Variants in KLHL13 observed in about 807,000 individuals in gnomAD.
KLHL13 encodes kelch-like protein 13.
KLHL13 carries 10 observed loss-of-function variants against 37.1 expected under a neutral mutation model. The observed-to-expected ratio is 0.27, with a 90% CI of 0.17 to 0.46. The LOEUF (loss-of-function observed/expected upper bound fraction) is 0.46, where lower values mean the gene tolerates loss of function less well. KLHL13 is among the 20% of genes least tolerant of loss of function. The pLI, the probability that KLHL13 is intolerant of heterozygous loss-of-function variation, is 1.00. For synonymous variants in KLHL13, 163 were observed against 181.2 expected, an observed-to-expected ratio of 0.90 and a Z score of 0.81; for missense variants, 360 against 509.3, an observed-to-expected ratio of 0.71 and a Z score of 2.82.
chrX:117,931,378 T>C (rs1223547995), intron 2 of KLHL13, among the ~76,000 whole-genome samples: 1 of 111,817 alleles, frequency 8.9e-6, no homozygotes, highest in Admixed American at 9.5e-5. Flanking sequence ...TATTCTGTAA[T>C]TAATATACAC....
At chrX:118,095,085 C>A (rs1194456590) in intron 1 of KLHL13, among the ~76,000 whole-genome samples, 2 of 111,706 alleles carry the variant, frequency 1.8e-5, no homozygotes, top group East Asian at 2.8e-4. Context: ...AATTAAAAGA[C>A]ACAGACTGGC....
chrX:117,957,631 T>A (rs1197040530), intron 1 of KLHL13, among the ~76,000 whole-genome samples: 1 of 111,964 alleles, frequency 8.9e-6, no homozygotes, highest in Non-Finnish European at 1.9e-5. Context: ...CAGCTAAACC[T>A]TTATGGTTAG....
chrX:118,005,866 A>G (rs746030108), intron 1 of KLHL13, among the ~76,000 whole-genome samples: 8 of 112,387 alleles, frequency 7.1e-5, no homozygotes, highest in Non-Finnish European at 1.3e-4. Context: ...ATGGGCCTAA[A>G]AATAGCTGGA....
chrX:118,115,936 G>A (rs2148200293), intron 1 of KLHL13, among the ~76,000 whole-genome samples: 1 of 112,266 alleles, frequency 8.9e-6, no homozygotes, highest in Non-Finnish European at 1.9e-5. Context: ...AAAATCATTA[G>A]TCAACTGTAA....
At chrX:117,926,209 A>G (rs1244539369) in intron 2 of KLHL13, among the ~76,000 whole-genome samples, 1 of 111,968 alleles carries the variant, frequency 8.9e-6, no homozygotes, top group Non-Finnish European at 1.9e-5. Context: ...TCTGTGAAAG[A>G]TAAGAAACAA....
intron 2 of KLHL13, among the ~76,000 whole-genome samples, chrX:117,920,753 T>C (rs1343644887): frequency 9.0e-6 from 1 of 111,731 alleles, no homozygotes; most frequent in African/African-American, 3.3e-5. Context: ...AATTTAATAG[T>C]CCTTTTATAG....
chrX:118,089,592 G>GAA (rs2055095780), intron 1 of KLHL13, among the ~76,000 whole-genome samples: 1 of 77,039 alleles, frequency 1.3e-5, no homozygotes, highest in Non-Finnish European at 2.3e-5. Context: ...AAAGAAAAGA[G>GAA]AGAGAGAGAG....
At chrX:117,925,959 T>C (rs1226059632) in intron 2 of KLHL13, among the ~76,000 whole-genome samples, 1 of 111,424 alleles carries the variant, frequency 9.0e-6, no homozygotes, top group East Asian at 2.8e-4. Context: ...AATGCTGGGA[T>C]TACAGGTGTG....
chrX:117,972,167 C>T (rs1284869142), intron 1 of KLHL13, among the ~76,000 whole-genome samples: 1 of 111,885 alleles, frequency 8.9e-6, no homozygotes, highest in Non-Finnish European at 1.9e-5. Flanking sequence ...ATATAATTTG[C>T]ACAAATTCAA....
At chrX:118,021,701 C>T (rs755318459) in intron 1 of KLHL13, among the ~76,000 whole-genome samples, 4 of 108,150 alleles carry the variant, frequency 3.7e-5, no homozygotes, top group African/African-American at 7.3e-5. Context: ...AATAAACATA[C>T]GTGTGCATGT....
rs773643591 is a variant in KLHL13, at chrX:117,944,704, G to A, written c.240+730C>T. On this transcript the variant is annotated intron_variant, in intron 2 of 6. Transcript: ENST00000262820. ...TAACTATCTTTAGAAGACATTAATGGACATCCAGTACCATATTGCTCTCTA... is the reference window on the plus strand; with the variant it reads ...TAACTATCTTTAGAAGACATTAATGAACATCCAGTACCATATTGCTCTCTA... Among the ~76,000 whole-genome samples, 3 of 111,260 alleles carry A rather than the reference G, an allele frequency of 2.7e-5. No homozygotes were observed. The South Asian group carries it at 1.1e-3, about 42-fold the overall frequency.
chrX:117,931,689 C>T (rs868844465), intron 2 of KLHL13, among the ~76,000 whole-genome samples: 1 of 111,929 alleles, frequency 8.9e-6, no homozygotes, highest in Non-Finnish European at 1.9e-5. Flanking sequence ...AAAGGTAAGA[C>T]AATTTAGAGC....
intron 2 of KLHL13, among the ~76,000 whole-genome samples, chrX:117,924,417 A>G (rs918835091): frequency 1.8e-5 from 2 of 112,065 alleles, no homozygotes. Flanking sequence ...TCACTCATAA[A>G]TCTTTTCCCC....
chrX:117,922,063 TCTG>T (rs1262425626), intron 2 of KLHL13, among the ~76,000 whole-genome samples: 1 of 112,003 alleles, frequency 8.9e-6, no homozygotes, highest in East Asian at 2.8e-4. Context: ...TACTAATTCG[TCTG>T]CTGTCTCTGT....
At chrX:117,930,391 T>C (rs1267201502) in intron 2 of KLHL13, among the ~76,000 whole-genome samples, 1 of 109,467 alleles carries the variant, frequency 9.1e-6, no homozygotes, top group Non-Finnish European at 1.9e-5. Context: ...ATTGCCTATA[T>C]AGGAAAACCT....
chrX:118,093,989 C>T (rs1431336793), intron 1 of KLHL13, among the ~76,000 whole-genome samples: 2 of 109,494 alleles, frequency 1.8e-5, no homozygotes, highest in South Asian at 4.1e-4. Context: ...AACTGAGGAA[C>T]GCAGCTCCTC....
upstream of KLHL13, among the ~76,000 whole-genome samples, chrX:117,974,967 A>G (rs2147910622): frequency 8.9e-6 from 1 of 112,005 alleles, no homozygotes; most frequent in South Asian, 3.7e-4. Flanking sequence ...AAATTGTCAA[A>G]TGAGTCAGAG....
chrX:118,012,886 T>C (rs1037523599), intron 1 of KLHL13, among the ~76,000 whole-genome samples: 1 of 111,977 alleles, frequency 8.9e-6, no homozygotes, highest in African/African-American at 3.2e-5. Flanking sequence ...AATATGGAAT[T>C]CTTCTGTAAG....
chrX:118,074,168 T>C (rs937101788), intron 1 of KLHL13, among the ~76,000 whole-genome samples: 7 of 112,036 alleles, frequency 6.2e-5, no homozygotes, highest in Admixed American at 3.8e-4. Flanking sequence ...AGGAGTCTCC[T>C]TGGTGTGAAA....
Sources: gnomAD v4.1 joint callset for allele counts (sites outside exome capture counted in the v4.1 genomes callset) on GRCh38, gnomAD v4.1.1 for gene constraint, MANE v1.5 for transcripts, NCBI Gene and HGNC (gene_info 2026-07-23, HGNC 2026-07-21) for gene names.